Variants in CERS6 observed in about 807,000 individuals in gnomAD.
CERS6 encodes the protein ceramide synthase 6.
Under a neutral mutation model 56.8 loss-of-function variants are expected in CERS6, and 26 were observed. That is an observed-to-expected ratio of 0.46 (90% CI 0.34 to 0.63). The LOEUF (loss-of-function observed/expected upper bound fraction) is 0.63. Ranked by LOEUF, CERS6 falls within the 30% of genes least tolerant of loss-of-function variation. The probability of loss-of-function intolerance (pLI) is 0.01; values close to 1 mark genes in which losing one functional copy is unlikely to be tolerated. For synonymous variants in CERS6, 164 were observed against 173.3 expected, an observed-to-expected ratio of 0.95 and a Z score of 0.42; for missense variants, 415 against 467.5, an observed-to-expected ratio of 0.89 and a Z score of 1.04.
intron 8 of CERS6, among the ~76,000 whole-genome samples, chr2:168,751,279 G>C (rs1428678857): frequency 6.6e-6 from 1 of 152,198 alleles, no homozygotes; most frequent in Non-Finnish European, 1.5e-5. Context: ...CTGAGGATGT[G>C]GTTTGGGGTG....
chr2:168,664,989 T>C (rs1685721876), intron 4 of CERS6, among the ~76,000 whole-genome samples: 1 of 152,196 alleles, frequency 6.6e-6, no homozygotes, highest in South Asian at 2.1e-4. Flanking sequence ...CCTGGATCAC[T>C]GTCTCCAGGC....
intron 4 of CERS6, among the ~76,000 whole-genome samples, chr2:168,652,450 C>T (rs1208343870): frequency 2.0e-5 from 3 of 152,018 alleles, no homozygotes; most frequent in Non-Finnish European, 2.9e-5. Context: ...ACCTGAGCTG[C>T]GTTTCTTTGT....
chr2:168,718,293 A>G (rs974403531), intron 8 of CERS6, among the ~76,000 whole-genome samples: 8 of 152,186 alleles, frequency 5.3e-5, no homozygotes, highest in African/African-American at 1.9e-4. Flanking sequence ...TAAGAAAGAA[A>G]CCGTGGTGTT....
intron 1 of CERS6, among the ~76,000 whole-genome samples, chr2:168,465,877 C>A (rs2105320533): frequency 6.6e-6 from 1 of 151,926 alleles, no homozygotes; most frequent in Admixed American, 6.5e-5. Context: ...TATTTTACCA[C>A]AATTAAAAAA....
rs899782790 is a variant in CERS6, at chr2:168,676,082, A to G, written c.466-14952A>G. ...CAGCTGGGTTCTTATTCCTATTTCT[A>G]CATTCAGTCTGTTGTGATGTGTTGT... is the stretch of plus-strand genomic sequence containing the variant. On this transcript the variant is annotated intron_variant, in intron 4 of 9. Coordinates refer to ENST00000305747, the MANE Select transcript of CERS6 (RefSeq NM_203463.3). Among the ~76,000 whole-genome samples, 71 of 152,272 alleles carry G rather than the reference A, an allele frequency of 4.7e-4. 1 individual carries two copies. The highest frequency in any genetic ancestry group is 1.6e-3 in the African/African-American group (67 of 41,552).
intron 3 of CERS6, among the ~76,000 whole-genome samples, chr2:168,569,597 G>A (rs1324731848): frequency 6.6e-6 from 1 of 152,262 alleles, no homozygotes; most frequent in Non-Finnish European, 1.5e-5. Context: ...AGTTCTCTGT[G>A]TTCACCTAGT....
intron 1 of CERS6, among the ~76,000 whole-genome samples, chr2:168,546,145 C>T (rs1432404432): frequency 6.6e-6 from 1 of 152,166 alleles, no homozygotes; most frequent in African/African-American, 2.4e-5. Flanking sequence ...TTCCTTCTTT[C>T]ATCACTATAG....
At chr2:168,722,950 T>C (rs1683222748) in intron 8 of CERS6, among the ~76,000 whole-genome samples, 1 of 152,154 alleles carries the variant, frequency 6.6e-6, no homozygotes, top group Non-Finnish European at 1.5e-5. Flanking sequence ...GGCCTTGCTG[T>C]TCCTAGGACA....
intron 4 of CERS6, among the ~76,000 whole-genome samples, chr2:168,687,870 G>A (rs1212705967): frequency 6.6e-6 from 1 of 152,058 alleles, no homozygotes; most frequent in African/African-American, 2.4e-5. Flanking sequence ...TGCCTAGCTA[G>A]TTTTCATATT....
intron 3 of CERS6, among the ~76,000 whole-genome samples, chr2:168,619,034 G>T (rs190651687): frequency 9.9e-5 from 15 of 152,164 alleles, no homozygotes; most frequent in Non-Finnish European, 2.1e-4. Flanking sequence ...CAATGGAACA[G>T]AACAGAGAAC....
chr2:168,580,352 A>G (rs1683378738), intron 3 of CERS6, among the ~76,000 whole-genome samples: 1 of 151,932 alleles, frequency 6.6e-6, no homozygotes, highest in Non-Finnish European at 1.5e-5. Flanking sequence ...GAAATTATAG[A>G]CTCAATTTTT....
intron 3 of CERS6, among the ~76,000 whole-genome samples, chr2:168,577,270 C>T (rs987424742): frequency 6.6e-5 from 10 of 152,032 alleles, no homozygotes; most frequent in African/African-American, 2.2e-4. Context: ...GTGAGGAGGC[C>T]AAGAGAAGAA....
At chr2:168,613,928 G>T (rs1452313840) in intron 3 of CERS6, among the ~76,000 whole-genome samples, 1 of 152,198 alleles carries the variant, frequency 6.6e-6, no homozygotes, top group Non-Finnish European at 1.5e-5. Flanking sequence ...CACAACTCTT[G>T]CAATCAGCAT....
Position 168,538,982 on chromosome 2 carries a change from T to TGAGCTTTAGTTTATATTTC in CERS6, c.171-8614_171-8613insGAGCTTTAGTTTATATTTC, listed in dbSNP as rs1305369777. 4.4e-3 allele frequency among the ~76,000 whole-genome samples: 37 copies of TGAGCTTTAGTTTATATTTC among 8,334 alleles called. 17 individuals are homozygous for TGAGCTTTAGTTTATATTTC. The highest frequency in any genetic ancestry group is 1 in the East Asian group (2 of 2). The allele number at this position is 8,334 out of a possible 152,430, so 5.5% of individuals were successfully genotyped here. On this transcript the variant is annotated intron_variant, in intron 1 of 9. Transcript: ENST00000305747. ...ATATTGTTTTTTTTTTTTTTTTTTT[T>TGAGCTTTAGTTTATATTTC]TGAGACGGAGTCTCGCTCTGTCGCC...
chr2:168,651,663 G>C (rs1248593938), intron 4 of CERS6, among the ~76,000 whole-genome samples: 1 of 152,174 alleles, frequency 6.6e-6, no homozygotes, highest in African/African-American at 2.4e-5. Context: ...CAGATCTCAT[G>C]AGAATTCACT....
At chr2:168,589,969 A>G (rs71430637) in intron 3 of CERS6, among the ~76,000 whole-genome samples, 107 of 152,244 alleles carry the variant, frequency 7.0e-4, no homozygotes, top group Non-Finnish European at 1.3e-3. Context: ...CACACAGACC[A>G]TGAGTTAATG....
At chr2:168,484,373 G>C (rs1694238082) in intron 1 of CERS6, among the ~76,000 whole-genome samples, 1 of 151,320 alleles carries the variant, frequency 6.6e-6, no homozygotes, top group Admixed American at 6.6e-5. Context: ...TAGAGACGGG[G>C]TTTCTCCATG....
At chr2:168,743,004 T>C (rs1683964490) in intron 8 of CERS6, among the ~76,000 whole-genome samples, 1 of 152,158 alleles carries the variant, frequency 6.6e-6, no homozygotes, top group Admixed American at 6.5e-5. Context: ...TTCGATTGCC[T>C]TTCCACATGG....
rs747845312 is a variant in CERS6 at position 168,643,820 on chromosome 2, G to A, written c.465+12778G>A. Reference sequence around the variant, plus strand: ...ACCTCCCTCTGTCTCCTTTCTATACGCCCGGATAATTTCTTCATCTCGAGG... The same window carrying A: ...ACCTCCCTCTGTCTCCTTTCTATACACCCGGATAATTTCTTCATCTCGAGG... On this transcript the variant is annotated intron_variant, in intron 4 of 9. Coordinates refer to ENST00000305747, the MANE Select transcript of CERS6 (RefSeq NM_203463.3). Among the ~76,000 whole-genome samples, 27 of 151,948 alleles carry A rather than the reference G, an allele frequency of 1.8e-4. 1 individual carries two copies. The highest frequency in any genetic ancestry group is 3.9e-4 in the African/African-American group (16 of 41,330).
Sources: gnomAD v4.1 joint callset for allele counts (sites outside exome capture counted in the v4.1 genomes callset) on GRCh38, gnomAD v4.1.1 for gene constraint, MANE v1.5 for transcripts, NCBI Gene and HGNC (gene_info 2026-07-23, HGNC 2026-07-21) for gene names.